USP34: variants seen among roughly 807,000 people sequenced by gnomAD.
USP34 encodes ubiquitin specific peptidase 34.
USP34 carries 70 observed loss-of-function variants against 460.3 expected under a neutral mutation model. The ratio of observed to expected loss-of-function variants is 0.15; its 90% CI spans 0.13 to 0.19. The LOEUF (loss-of-function observed/expected upper bound fraction) is 0.19. USP34 is among the 10% of genes least tolerant of loss of function. USP34 has a pLI of 1.00. For missense variants in USP34, 3,985 were observed against 4,236.2 expected (o/e 0.94, Z 1.65); for synonymous variants, 1,647 against 1,405.3 (o/e 1.17, Z -3.85).
At chr2:61,236,497 A>T (rs1289652921) in intron 53 of USP34, 108 bp from the exon 54 acceptor site, 4 of 783,104 alleles carry the variant, frequency 5.1e-6, no homozygotes, top group Non-Finnish European at 5.9e-6. Flanking sequence ...AAAATAAAAT[A>T]AAATCCATGC....
chr2:61,215,470 A>C (rs1385847658), intron 67 of USP34, among the ~76,000 whole-genome samples: 3 of 152,244 alleles, frequency 2.0e-5, no homozygotes, highest in Non-Finnish European at 4.4e-5. Flanking sequence ...TTGGTGTTAA[A>C]CTTATTAAGC....
At chr2:61,399,983 AT>A (rs1047786361) in intron 3 of USP34, among the ~76,000 whole-genome samples, 6 of 149,958 alleles carry the variant, frequency 4.0e-5, no homozygotes, top group South Asian at 2.2e-4. Flanking sequence ...AAAGTCTTGC[AT>A]TTTTTTTCCT....
chr2:61,254,895 T>G (rs1688684339), intron 48 of USP34, among the ~76,000 whole-genome samples: 2 of 152,230 alleles, frequency 1.3e-5, no homozygotes, highest in South Asian at 4.1e-4. Flanking sequence ...TTGCCGAGGC[T>G]GGAGTGCAAT....
chr2:61,406,559 A>G (rs1693876492), intron 2 of USP34, among the ~76,000 whole-genome samples: 1 of 152,076 alleles, frequency 6.6e-6, no homozygotes. Context: ...ACATTTTTAG[A>G]TTAATGTCCT....
intron 22 of USP34, 82 bp from the exon 23 acceptor site, chr2:61,317,849 A>C (rs980726425): frequency 1.0e-6 from 1 of 964,242 alleles, no homozygotes; most frequent in Non-Finnish European, 1.6e-6. Context: ...AACTTTACTG[A>C]AAACACTGTA....
At chr2:61,213,807 A>G (rs549436238) in intron 68 of USP34, among the ~76,000 whole-genome samples, 1 of 152,370 alleles carries the variant, frequency 6.6e-6, no homozygotes, top group South Asian at 2.1e-4. Context: ...TTACAAAACC[A>G]CAAATTAAAA....
At chr2:61,387,448 G>C (rs183465864) in intron 5 of USP34, among the ~76,000 whole-genome samples, 57 of 151,404 alleles carry the variant, frequency 3.8e-4, no homozygotes, top group Non-Finnish European at 6.0e-4. Flanking sequence ...CTGGGCAACA[G>C]AGCAAGACTC....
chr2:61,454,923 A>G (rs1188192703), intron 1 of USP34, among the ~76,000 whole-genome samples: 1 of 135,582 alleles, frequency 7.4e-6, no homozygotes, highest in Non-Finnish European at 1.5e-5. Flanking sequence ...AGTCGCCCAG[A>G]CTGGATGGAG....
intron 76 of USP34, 130 bp from the exon 77 acceptor site, chr2:61,190,788 A>G (rs1306911992): frequency 3.9e-5 from 45 of 1,164,670 alleles, no homozygotes; most frequent in Non-Finnish European, 5.0e-5. Flanking sequence ...TCCTACTTGA[A>G]AAGCCATGTC....
At chr2:61,193,263 T>G (rs1386182213) in intron 75 of USP34, 1 of 214,854 alleles carries the variant, frequency 4.7e-6, no homozygotes, top group Non-Finnish European at 9.0e-6. Context: ...AAAGAAAAAG[T>G]TACTGCAAGT....
chr2:61,211,638 G>A, intron 69 of USP34, 134 bp downstream of exon 69: 1 of 982,760 alleles, frequency 1.0e-6, no homozygotes, highest in East Asian at 3.1e-5. Flanking sequence ...AGTAGTTCAT[G>A]AACCTTCAAA....
At chr2:61,384,787 T>A (rs1693086355) in intron 5 of USP34, among the ~76,000 whole-genome samples, 1 of 152,110 alleles carries the variant, frequency 6.6e-6, no homozygotes, top group African/African-American at 2.4e-5. Context: ...ACTACGTTAA[T>A]GATGAAATGT....
At chr2:61,421,092 C>G (rs186393769) in intron 1 of USP34, among the ~76,000 whole-genome samples, 1 of 152,168 alleles carries the variant, frequency 6.6e-6, no homozygotes, top group African/African-American at 2.4e-5. Context: ...ACCAGCCTTC[C>G]GTTGTGATGC....
At chr2:61,320,132 C>A (rs1475496630) in intron 21 of USP34, among the ~76,000 whole-genome samples, 2 of 152,158 alleles carry the variant, frequency 1.3e-5, no homozygotes, top group African/African-American at 4.8e-5. Flanking sequence ...TATGGCTATG[C>A]ATTTCTACGA....
At chr2:61,436,945 T>C (rs1389263998) in intron 1 of USP34, among the ~76,000 whole-genome samples, 1 of 152,180 alleles carries the variant, frequency 6.6e-6, no homozygotes, top group Non-Finnish European at 1.5e-5. Context: ...GAATGACCAC[T>C]GGGTCAATGA....
rs752671599 is a variant in USP34 at position 61,301,045 on chromosome 2, A to G, written c.4034T>C (p.Leu1345Ser). ...AAGAGTAGTTAAATGAGGCTCTTGT[A>G]AAAGCAAAAGCATTGGAATGTTGTC... is the stretch of plus-strand genomic sequence containing the variant. The part of the protein sequence containing the change: ...QKDNIPMLLL[L>S]QEPHLTTLFD... The change falls in exon 29 of 80, where the codon TTA becomes TCA. Residue 1345 changes from leucine to serine, a missense_variant. By Grantham distance (145) the Leu-to-Ser change is moderately radical. Transcript: ENST00000398571. The G allele has an allele frequency of 6.2e-7, 1 of 1,614,088 alleles. No homozygotes were observed. The highest frequency in any genetic ancestry group is 1.7e-5 in the Admixed American group (1 of 59,990).
At chr2:61,338,328 A>G (rs1356559642) in intron 18 of USP34, among the ~76,000 whole-genome samples, 1 of 152,236 alleles carries the variant, frequency 6.6e-6, no homozygotes, top group Non-Finnish European at 1.5e-5. Context: ...GTCCAAAAAA[A>G]CAAAGAATGA....
intron 50 of USP34, among the ~76,000 whole-genome samples, chr2:61,245,974 A>G (rs1349950441): frequency 6.6e-6 from 1 of 152,220 alleles, no homozygotes; most frequent in Non-Finnish European, 1.5e-5. Context: ...CAAGCAGAGC[A>G]TGCAGGTAAC....
At chr2:61,362,711 A>G (rs1304487583) in intron 10 of USP34, among the ~76,000 whole-genome samples, 1 of 152,234 alleles carries the variant, frequency 6.6e-6, no homozygotes, top group Non-Finnish European at 1.5e-5. Context: ...TGGAGATCTC[A>G]TGTACAGCAA....
Sources: allele counts gnomAD v4.1 joint callset (sites outside exome capture counted in the v4.1 genomes callset), GRCh38; gene constraint gnomAD v4.1.1; transcripts MANE v1.5; gene names NCBI Gene and HGNC (gene_info 2026-07-23, HGNC 2026-07-21).